PIK3C2G: variants seen among roughly 807,000 people sequenced by gnomAD.
PIK3C2G encodes phosphatidylinositol 3-kinase C2 domain-containing subunit gamma.
In PIK3C2G, 168 loss-of-function variants were observed where a neutral mutation model predicts 181.1. The ratio of observed to expected loss-of-function variants is 0.93; its 90% CI spans 0.82 to 1.05. The LOEUF is 1.05. Among genes scored for constraint, PIK3C2G ranks in the 50% least tolerant of loss-of-function variants. The probability of loss-of-function intolerance (pLI) is 0.00; values close to 1 mark genes in which losing one functional copy is unlikely to be tolerated. For missense variants in PIK3C2G, 1,869 were observed against 1,732.8 expected, an observed-to-expected ratio of 1.08 and a Z score of -1.40; for synonymous variants, 573 against 592.2, an observed-to-expected ratio of 0.97 and a Z score of 0.47.
intron 18 of PIK3C2G, among the ~76,000 whole-genome samples, 200 bp downstream of exon 18, chr12:18,424,239 T>A (rs1015334077): frequency 2.0e-4 from 30 of 152,232 alleles, no homozygotes; most frequent in Non-Finnish European, 3.8e-4. Flanking sequence ...GTTGGACAGT[T>A]GCTACTGTTA....
chr12:18,538,067 C>T, intron 24 of PIK3C2G, 89 bp from the exon 25 acceptor site: 1 of 1,265,384 alleles, frequency 7.9e-7, no homozygotes, highest in Non-Finnish European at 1.1e-6. Flanking sequence ...AAAGAAAATT[C>T]AAATGAAAAT....
At chr12:18,501,855 G>A (rs955521715) in intron 22 of PIK3C2G, among the ~76,000 whole-genome samples, 1 of 152,160 alleles carries the variant, frequency 6.6e-6, no homozygotes, top group Non-Finnish European at 1.5e-5. Flanking sequence ...ATCCAAAAAG[G>A]TGGAATCATC....
intron 7 of PIK3C2G, among the ~76,000 whole-genome samples, chr12:18,323,940 GC>G (rs1365004189): frequency 6.6e-6 from 1 of 151,996 alleles, no homozygotes; most frequent in African/African-American, 2.4e-5. Context: ...ACTGCCATTG[GC>G]CGGGCGCGGT....
At chr12:18,656,275 A>G in the PIK3C2G span, among the ~76,000 whole-genome samples, 90,072 of 151,932 alleles carry the variant, frequency 0.59, 26,907 homozygotes, top group East Asian at 0.72. Context: ...CCAAAAAAGC[A>G]TTAAAAAATA....
intron 30 of PIK3C2G, among the ~76,000 whole-genome samples, chr12:18,598,447 T>C (rs1159428089): frequency 6.6e-6 from 1 of 151,704 alleles, no homozygotes; most frequent in Admixed American, 6.6e-5. Flanking sequence ...GCTAGCCATA[T>C]GTAGAAAGCT....
intron 18 of PIK3C2G, among the ~76,000 whole-genome samples, chr12:18,436,540 T>G (rs560801289): frequency 6.6e-6 from 1 of 152,094 alleles, no homozygotes; most frequent in Admixed American, 6.6e-5. Context: ...AGGACAAAAC[T>G]TAACCATCTA....
chr12:18,324,918 T>C (rs1951268085), intron 7 of PIK3C2G, 117 bp from the exon 8 acceptor site: 2 of 580,326 alleles, frequency 3.4e-6, no homozygotes, highest in Non-Finnish European at 6.1e-6. Flanking sequence ...TAATCCTTTT[T>C]ATACCATGCC....
At chr12:18,320,290 G>C (rs1215811789) in intron 6 of PIK3C2G, among the ~76,000 whole-genome samples, 3 of 152,178 alleles carry the variant, frequency 2.0e-5, no homozygotes, top group Non-Finnish European at 4.4e-5. Flanking sequence ...TGAATGCCCT[G>C]TTGCAGGAGA....
intron 1 of PIK3C2G, among the ~76,000 whole-genome samples, chr12:18,274,260 C>A (rs1948877842): frequency 6.6e-6 from 1 of 152,142 alleles, no homozygotes; most frequent in Non-Finnish European, 1.5e-5. Context: ...CCTCAGAGAT[C>A]TAGAACTAGA....
intron 15 of PIK3C2G, among the ~76,000 whole-genome samples, chr12:18,394,256 T>C (rs1592145877): frequency 6.6e-6 from 1 of 151,932 alleles, no homozygotes. Context: ...AAAACCAGTC[T>C]CAAAAAAATT....
At position 18,469,578 on chromosome 12, in the gene PIK3C2G, G is replaced by A. The variant is rs538934330; in HGVS notation, c.2505-18871G>A. 1.1e-4 allele frequency among the ~76,000 whole-genome samples: 17 copies of A among 151,590 alleles called. No homozygotes were observed. The South Asian group carries it at 2.3e-3, about 20-fold the overall frequency. ...TATACTACTCTGACTTTTGTCCTAC[G>A]GATGCTTATCTTAGCCCCTCTGAAT... On this transcript the variant is annotated intron_variant, in intron 18 of 32. Transcript: ENST00000538779.
chr12:18,330,028 G>A (rs1937761028), intron 8 of PIK3C2G, among the ~76,000 whole-genome samples: 1 of 151,840 alleles, frequency 6.6e-6, no homozygotes, highest in South Asian at 2.1e-4. Context: ...CCACATTTCT[G>A]TAGATTTTTC....
intron 1 of PIK3C2G, among the ~76,000 whole-genome samples, chr12:18,269,163 C>T (rs780071701): frequency 4.6e-5 from 7 of 152,048 alleles, no homozygotes; most frequent in South Asian, 2.1e-4. Context: ...CCTCCTGCCT[C>T]GGCCTCCCAA....
chr12:18,723,289 A>C, the PIK3C2G span: 2 of 1,581,082 alleles, frequency 1.3e-6, no homozygotes, highest in Non-Finnish European at 1.7e-6. Context: ...TATTCCGATA[A>C]AAGTTTGAAA....
chr12:18,593,279 AG>A (rs1303603243), intron 29 of PIK3C2G, among the ~76,000 whole-genome samples: 1 of 151,882 alleles, frequency 6.6e-6, no homozygotes, highest in Non-Finnish European at 1.5e-5. Flanking sequence ...CGAATTTGGG[AG>A]GGGGAAATAA....
intron 26 of PIK3C2G, among the ~76,000 whole-genome samples, chr12:18,554,749 T>C (rs1456560245): frequency 6.6e-6 from 1 of 152,102 alleles, no homozygotes; most frequent in Non-Finnish European, 1.5e-5. Flanking sequence ...AAGAAAGCAC[T>C]GGTCATATAT....
At chr12:18,642,215 G>GT (rs201545330) in intron 32 of PIK3C2G, among the ~76,000 whole-genome samples, 1 of 152,016 alleles carries the variant, frequency 6.6e-6, no homozygotes, top group Non-Finnish European at 1.5e-5. Flanking sequence ...TTCTCTTATA[G>GT]TTTTTTCTAA....
At chr12:18,569,911 T>C (rs574066865) in intron 29 of PIK3C2G, among the ~76,000 whole-genome samples, 3 of 152,310 alleles carry the variant, frequency 2.0e-5, no homozygotes, top group Admixed American at 6.5e-5. Flanking sequence ...CATTTTTCTA[T>C]TGAATAATTT....
At chr12:18,302,210 A>G (rs1031697226) in intron 5 of PIK3C2G, among the ~76,000 whole-genome samples, 4 of 152,184 alleles carry the variant, frequency 2.6e-5, no homozygotes, top group Admixed American at 2.6e-4. Flanking sequence ...CTTGGGTGCC[A>G]GCAGTGGCAG....
Sources: gnomAD v4.1 joint callset for allele counts (sites outside exome capture counted in the v4.1 genomes callset) on GRCh38, gnomAD v4.1.1 for gene constraint, MANE v1.5 for transcripts, NCBI Gene and HGNC (gene_info 2026-07-23, HGNC 2026-07-21) for gene names.